ABCC2: variants seen among roughly 807,000 people sequenced by gnomAD.
ABCC2 encodes the protein ATP-binding cassette sub-family C member 2.
In ABCC2, 157 loss-of-function variants were observed where a neutral mutation model predicts 173.4. The observed-to-expected ratio is 0.91, with a 90% confidence interval of 0.80 to 1.03. ABCC2 has a LOEUF of 1.03. Among genes scored for constraint, ABCC2 ranks in the 50% least tolerant of loss-of-function variants. The probability of loss-of-function intolerance (pLI) is 0.00; values close to 1 mark genes in which losing one functional copy is unlikely to be tolerated. For missense variants in ABCC2, 1,822 were observed against 1,852.3 expected, an observed-to-expected ratio of 0.98 and a Z score of 0.30; for synonymous variants, 657 against 693.5, an observed-to-expected ratio of 0.95 and a Z score of 0.83.
chr10:99,797,493 G>A, intron 7 of ABCC2, 162 bp downstream of exon 7: 1 of 693,944 alleles, frequency 1.4e-6, no homozygotes, highest in Non-Finnish European at 2.6e-6. Context: ...CCTTAGTGAT[G>A]GATACATGGC....
At chr10:99,793,015 A>G (rs879863971) in intron 3 of ABCC2, among the ~76,000 whole-genome samples, 2 of 151,738 alleles carry the variant, frequency 1.3e-5, no homozygotes, top group Non-Finnish European at 2.9e-5. Flanking sequence ...GGCAAATGTT[A>G]TAAATCATGG....
intron 25 of ABCC2, 91 bp from the exon 26 acceptor site, chr10:99,841,876 C>T: frequency 1.3e-6 from 2 of 1,590,790 alleles, no homozygotes; most frequent in Admixed American, 3.4e-5. Context: ...TCAAGTCAAA[C>T]CCTCTGAGAA....
At position 99,808,116 on chromosome 10, in the gene ABCC2, G is replaced by T; in HGVS notation, c.1702G>T (p.Val568Leu). ...GGTCACATTTTCTGTTTATGTCCTG[G>T]TGGATAGCAACAATATTTTGGATGC... ...SVVTFSVYVL[V>L]DSNNILDAQK... The change falls in exon 13 of 32, where the codon GTG (valine) becomes TTG (leucine). Residue 568 changes from valine (V) to leucine (L), a missense_variant. Val to Leu is a conservative substitution (Grantham distance 32). Coordinates refer to ENST00000647814, the MANE Select transcript of ABCC2 (RefSeq NM_000392.5). 6.2e-7 allele frequency: 1 copy of T among 1,614,054 alleles called. No individual in the cohort carries two copies. The highest frequency in any genetic ancestry group is 8.5e-7 in the Non-Finnish European group (1 of 1,179,986).
At chr10:99,811,873 T>TGTGGATGGAGGTA (rs1937490952) in intron 15 of ABCC2, among the ~76,000 whole-genome samples, 1 of 152,156 alleles carries the variant, frequency 6.6e-6, no homozygotes, top group Non-Finnish European at 1.5e-5. Flanking sequence ...GTGTGCAGAT[T>TGTGGATGGAGGTA]GTGGATGGAG....
chr10:99,836,147 C>T lies in ABCC2; in HGVS notation c.3471C>T (p.Ser1157=), dbSNP rs1208916003. ...QLRRLDSVTR[S]PIYSHFSETV... Reference sequence around the variant, plus strand: ...GGCGTCTGGACTCTGTCACCAGGTCCCCAATCTACTCTCACTTCAGCGAGA... The same window carrying T: ...GGCGTCTGGACTCTGTCACCAGGTCTCCAATCTACTCTCACTTCAGCGAGA... The change falls in exon 25 of 32, where the codon TCC becomes TCT. Residue 1157 remains serine (S), a synonymous_variant. Transcript: ENST00000647814. 1 of 1,614,028 alleles carries T rather than the reference C, an allele frequency of 6.2e-7. No individual in the cohort carries two copies. Among genetic ancestry groups the T allele is most frequent in the African/African-American group, 1.3e-5 (1 of 74,904 alleles).
chr10:99,837,137 CTTTTTTTT>C (rs34959207), intron 25 of ABCC2, among the ~76,000 whole-genome samples: 1 of 104,726 alleles, frequency 9.5e-6, no homozygotes, highest in African/African-American at 3.9e-5. Flanking sequence ...TGAGAAAGTC[CTTTTTTTT>C]TTTTTTTTTG....
chr10:99,839,371 C>A (rs2038896384), intron 25 of ABCC2, among the ~76,000 whole-genome samples: 5 of 81,376 alleles, frequency 6.1e-5, no homozygotes, highest in African/African-American at 2.2e-4. Flanking sequence ...GGGGCTGACC[C>A]CCCCCCACCT....
chr10:99,792,301 G>C lies in ABCC2; in HGVS notation c.275G>C (p.Gly92Ala), dbSNP rs747631052. 2 of 1,613,888 alleles carry C rather than the reference G, an allele frequency of 1.2e-6. No homozygotes were observed. Among genetic ancestry groups the C allele is most frequent in the Non-Finnish European group, 1.7e-6 (2 of 1,180,000 alleles). Residue 92 changes from glycine to alanine, a missense_variant, in exon 3 of 32, where the codon GGA becomes GCA. Transcript: ENST00000647814. Reference sequence around the variant, plus strand: ...GCCCTTGTACTCACAGAAGACTCTGGACAAGCCACAGTCCCTGCTGTTCGA... The same window carrying C: ...GCCCTTGTACTCACAGAAGACTCTGCACAAGCCACAGTCCCTGCTGTTCGA... Reference protein sequence around the residue: ...ELALVLTEDSGQATVPAVRYT... With the variant: ...ELALVLTEDSAQATVPAVRYT...
At chr10:99,822,469 G>A (rs61870457) in intron 19 of ABCC2, among the ~76,000 whole-genome samples, 2,886 of 151,928 alleles carry the variant, frequency 0.019, 41 homozygotes, top group Non-Finnish European at 0.031. Context: ...TTGCATCTCC[G>A]ATGGGTTCAT....
Position 99,851,236 on chromosome 10 carries a change from C to A in ABCC2, c.4509-266C>A, listed in dbSNP as rs74923203. Among the ~76,000 whole-genome samples, 4,927 of 152,292 alleles carry A rather than the reference C, an allele frequency of 0.032. 256 individuals carry two copies. The highest frequency in any genetic ancestry group is 0.11 in the African/African-American group (4,628 of 41,536). On this transcript the variant is annotated intron_variant, in intron 31 of 31. Coordinates refer to ENST00000647814, the MANE Select transcript of ABCC2 (RefSeq NM_000392.5). ...GGAGATGATAGGCACCCTTTGTAAA[C>A]CAATCTATCCTTAAACAATGTGCAC...
Position 99,814,186 on chromosome 10 carries a change from TAC to T in ABCC2, c.2094+1048_2094+1049del, listed in dbSNP as rs1387582797. Reference sequence around the variant, plus strand: ...ACGTATATATACACACATGTATGTATACACACATGTGTATATATACACACATG... The same window carrying T: ...ACGTATATATACACACATGTATGTATACACATGTGTATATATACACACATG... On this transcript the variant is annotated intron_variant, in intron 16 of 31. Transcript: ENST00000647814. Among the ~76,000 whole-genome samples, 109 of 93,872 alleles carry T rather than the reference TAC, an allele frequency of 1.2e-3. 23 individuals carry two copies. The highest frequency in any genetic ancestry group is 3.7e-3 in the African/African-American group (95 of 25,540). 61.6% of individuals were successfully genotyped at this position (93,872 alleles called of 152,430 possible).
At chr10:99,796,341 C>A (rs1383848184) in intron 6 of ABCC2, among the ~76,000 whole-genome samples, 1 of 151,964 alleles carries the variant, frequency 6.6e-6, no homozygotes, top group African/African-American at 2.4e-5. Context: ...CCTGTCTCTA[C>A]TAAAAATACA....
At position 99,786,037 on chromosome 10, in the gene ABCC2, T is replaced by C. The variant is rs535071177; in HGVS notation, c.207+1256T>C. Among the ~76,000 whole-genome samples, 571 of 152,314 alleles carry C rather than the reference T, an allele frequency of 3.7e-3. 1 individual carries two copies. The highest frequency in any genetic ancestry group is 5.0e-3 in the Non-Finnish European group (343 of 68,028). On this transcript the variant is annotated intron_variant, in intron 2 of 31. Coordinates refer to ENST00000647814, the MANE Select transcript of ABCC2 (RefSeq NM_000392.5). ...AGAACAGTCTCAGAGCTTGGGACAG[T>C]GTCACTGTCTCCCTTGTTGACCTGA...
At chr10:99,795,801 A>AAGAAAGAAAGAAAGAAAGATAGAG (rs58906337) in intron 6 of ABCC2, among the ~76,000 whole-genome samples, 19 of 102,288 alleles carry the variant, frequency 1.9e-4, no homozygotes, top group Admixed American at 3.0e-4. Context: ...GAAAGAAAGA[A>AAGAAAGAAAGAAAGAAAGATAGAG]AGATTTCTAA....
chr10:99,787,155 C>CAAAA (rs71305558), intron 2 of ABCC2, among the ~76,000 whole-genome samples: 47 of 144,090 alleles, frequency 3.3e-4, no homozygotes, highest in African/African-American at 1.1e-3. Flanking sequence ...GACTCTGTCT[C>CAAAA]AAAAAAAAAA....
Position 99,804,204 on chromosome 10 carries a change from A to G in ABCC2, c.1395A>G (p.Ala465=). Residue 465 remains alanine, a synonymous_variant, in exon 10 of 32, where the codon GCA becomes GCG. Transcript: ENST00000647814. ...GAGAGTTGGGACCCTCAGTCTTAGCAGGTGTTGGGGTGATGGTGCTTGTAA... is the reference window on the plus strand; with the variant it reads ...GAGAGTTGGGACCCTCAGTCTTAGCGGGTGTTGGGGTGATGGTGCTTGTAA... ...LWRELGPSVL[A]GVGVMVLVIP... is the part of the protein sequence containing the mutation. The G allele has an allele frequency of 6.2e-7, 1 of 1,614,068 alleles. No homozygotes were observed. The highest frequency in any genetic ancestry group is 8.5e-7 in the Non-Finnish European group (1 of 1,179,982).
At chr10:99,807,115 G>A (rs997431967) in intron 11 of ABCC2, among the ~76,000 whole-genome samples, 8 of 152,244 alleles carry the variant, frequency 5.3e-5, no homozygotes, top group African/African-American at 1.9e-4. Flanking sequence ...AGACTGGAAG[G>A]CCTGTGTCCT....
At chr10:99,825,468 C>G (rs2038619725) in intron 19 of ABCC2, among the ~76,000 whole-genome samples, 1 of 152,270 alleles carries the variant, frequency 6.6e-6, no homozygotes, top group African/African-American at 2.4e-5. Context: ...TTCTCTGAGA[C>G]CTGACTTGCC....
chr10:99,841,607 C>T (rs1436711860), intron 25 of ABCC2, among the ~76,000 whole-genome samples: 2 of 152,062 alleles, frequency 1.3e-5, no homozygotes, highest in African/African-American at 4.8e-5. Flanking sequence ...CCTAGGCCCC[C>T]TGAAATCAGA....
Sources: allele counts gnomAD v4.1 joint callset (sites outside exome capture counted in the v4.1 genomes callset), GRCh38; gene constraint gnomAD v4.1.1; transcripts MANE v1.5; gene names NCBI Gene and HGNC (gene_info 2026-07-23, HGNC 2026-07-21).